Variants in METTL1 observed in about 807,000 individuals in gnomAD.
METTL1 encodes methyltransferase 1, tRNA methylguanosine, also known as tRNA (guanine-N(7)-)-methyltransferase.
In METTL1, 14 loss-of-function variants were observed where a neutral mutation model predicts 27.7. The ratio of observed to expected loss-of-function variants is 0.51; its 90% confidence interval spans 0.33 to 0.79. The LOEUF (loss-of-function observed/expected upper bound fraction) is 0.79, where lower values mean the gene tolerates loss of function less well. METTL1 is among the 30% of genes least tolerant of loss of function. The probability of loss-of-function intolerance (pLI) is 0.02; values close to 1 mark genes in which losing one functional copy is unlikely to be tolerated. For synonymous variants in METTL1, 138 were observed against 137.0 expected, an observed-to-expected ratio of 1.01 and a Z score of -0.05; for missense variants, 333 against 359.6, an observed-to-expected ratio of 0.93 and a Z score of 0.60.
At chr12:57,771,622 T>G (rs1026858063) in intron 1 of METTL1, 1 of 1,535,282 alleles carries the variant, frequency 6.5e-7, no homozygotes, top group Non-Finnish European at 8.7e-7. Context: ...GGAGGGAAGG[T>G]AAGGTAAGGT....
At chr12:57,771,297 C>T (rs1331832222) in intron 1 of METTL1, 40 bp from the exon 2 acceptor site, 1 of 1,415,372 alleles carries the variant, frequency 7.1e-7, no homozygotes, top group African/African-American at 1.4e-5. Flanking sequence ...GAAGGTTGGT[C>T]ACACCATTGC....
At position 57,772,095 on chromosome 12, in the gene METTL1, G is replaced by C. The variant is rs776384099; in HGVS notation, c.-12C>G. ...GTCTCGGCTGCCATGATCCCAGTCC[G>C]GGGTTTCTCTACCAAATCCACGTGG... On this transcript the variant is annotated 5_prime_UTR_variant, in exon 1 of 6. Coordinates refer to ENST00000324871, the MANE Select transcript of METTL1 (RefSeq NM_005371.6). This position sits in a 1 kb window ranked among gnomAD's most constrained non-coding sequence, Gnocchi z 4.1. 6.4e-7 allele frequency: 1 copy of C among 1,571,720 alleles called. No homozygotes were observed. Among genetic ancestry groups the C allele is most frequent in the Admixed American group, 2.0e-5 (1 of 49,060 alleles).
chr12:57,771,643 T>C (rs1451835916), intron 1 of METTL1: 4 of 1,534,376 alleles, frequency 2.6e-6, no homozygotes, highest in Admixed American at 2.0e-5. Flanking sequence ...GCGGGCAGGA[T>C]TGTGTATATG....
Position 57,769,823 on chromosome 12 carries a change from A to G in METTL1, c.408T>C (p.Cys136=). 6.2e-7 allele frequency: 1 copy of G among 1,614,186 alleles called. No individual in the cohort carries two copies. Among genetic ancestry groups the G allele is most frequent in the Non-Finnish European group, 8.5e-7 (1 of 1,180,040 alleles). The part of the protein sequence containing the change: ...APAGGFQNIA[C]LRSNAMKHLP... ...GGTGCTTCATGGCATTGCTACGGAG[A>G]CAGGCGATGTTCTGGAAGCCACCTG... is the stretch of plus-strand genomic sequence containing the variant. Residue 136 remains cysteine, a synonymous_variant, in exon 3 of 6, where the codon TGT becomes TGC. Coordinates refer to ENST00000324871, the MANE Select transcript of METTL1 (RefSeq NM_005371.6).
At position 57,769,944 on chromosome 12, in the gene METTL1, G is replaced by T; in HGVS notation, c.287C>A (p.Pro96Gln). Reference sequence around the variant, plus strand: ...CAGAATAAGTGTGTCTGGGAACAGCGGTGACAGTTCCACTGCACACAGAAA... The same window carrying T: ...CAGAATAAGTGTGTCTGGGAACAGCTGTGACAGTTCCACTGCACACAGAAA... Reference protein sequence around the residue: ...GYGGLLVELSPLFPDTLILGL... With the variant: ...GYGGLLVELSQLFPDTLILGL... Residue 96 changes from proline to glutamine, a missense_variant, in exon 3 of 6, where the codon CCG becomes CAG. Physicochemically the swap from Pro to Gln is moderately conservative, Grantham distance 76 (BLOSUM62 -1). Transcript: ENST00000324871. 1 of 1,607,634 alleles carries T rather than the reference G, an allele frequency of 6.2e-7. No individual in the cohort carries two copies. The highest frequency in any genetic ancestry group is 2.2e-5 in the East Asian group (1 of 44,690).
chr12:57,769,973 C>T lies in METTL1; in HGVS notation c.275-17G>A, dbSNP rs573192508. On this transcript the variant is annotated splice_polypyrimidine_tract_variant and intron_variant, in intron 2 of 5. Coordinates refer to ENST00000324871, the MANE Select transcript of METTL1 (RefSeq NM_005371.6). ...ACAGTTCCACTGCACACAGAAATAG[C>T]AATGGAATCATCAACCATATACTTG... is the stretch of plus-strand genomic sequence containing the variant. 1.1e-5 allele frequency: 17 copies of T among 1,584,884 alleles called. No individual in the cohort carries two copies. The East Asian group carries it at 3.7e-4, about 34-fold the overall frequency.
At chr12:57,771,055 A>G (rs758033786) in intron 2 of METTL1, 39 bp downstream of exon 2, 1 of 1,598,378 alleles carries the variant, frequency 6.3e-7, no homozygotes, top group Non-Finnish European at 8.5e-7. Flanking sequence ...AGAAGCTACT[A>G]GGCCTCTTCT....
chr12:57,768,840 T>A lies in METTL1; in HGVS notation c.*156A>T. ...ACAAGGTGAGAGGAGCCAGGGGTAGTCATGAACACCAGTGGGTTCTGCCCT... is the reference window on the plus strand; with the variant it reads ...ACAAGGTGAGAGGAGCCAGGGGTAGACATGAACACCAGTGGGTTCTGCCCT... On this transcript the variant is annotated 3_prime_UTR_variant, in exon 6 of 6. Coordinates refer to ENST00000324871, the MANE Select transcript of METTL1 (RefSeq NM_005371.6). The A allele has an allele frequency of 1.2e-6, 1 of 802,292 alleles. No individual in the cohort carries two copies. Among genetic ancestry groups the A allele is most frequent in the Non-Finnish European group, 1.9e-6 (1 of 534,850 alleles). The allele number at this position is 802,292 out of a possible 1,614,324, so 49.7% of individuals were successfully genotyped here. A position where few individuals can be genotyped will look rare whatever the true frequency, so the allele number is the denominator to read the frequency against.
rs550138676 is a variant in METTL1 at position 57,771,594 on chromosome 12, T to C, written c.111-337A>G. 2.8e-5 allele frequency: 43 copies of C among 1,535,256 alleles called. No homozygotes were observed. The South Asian group carries it at 4.3e-4, about 15-fold the overall frequency. ...TGCCTAATGCACTGGGATCCTACTT[T>C]GTGTTTGTGCTCTGCGGGGAGGGAA... On this transcript the variant is annotated intron_variant, in intron 1 of 5. Transcript: ENST00000324871.
Position 57,769,284 on chromosome 12 carries a change from C to T in METTL1, c.675+19G>A. On this transcript the variant is annotated intron_variant, in intron 5 of 5. Coordinates refer to ENST00000324871, the MANE Select transcript of METTL1 (RefSeq NM_005371.6). The stretch of plus-strand genomic sequence containing the variant: ...CCACTCTGGAAAGGGCCTCCACCTC[C>T]TCTAGGTCCCCTACTCACCAGGTCC... 1 of 1,613,658 alleles carries T rather than the reference C, an allele frequency of 6.2e-7. No homozygotes were observed. Among genetic ancestry groups the T allele is most frequent in the Non-Finnish European group, 8.5e-7 (1 of 1,179,734 alleles).
chr12:57,769,468 GT>G (rs766710335), intron 4 of METTL1, 64 bp from the exon 5 acceptor site: 1 of 1,600,514 alleles, frequency 6.2e-7, no homozygotes, highest in South Asian at 1.1e-5. Context: ...GATGAAGGAA[GT>G]GGTGGTGTGA....
At chr12:57,771,615 G>C in intron 1 of METTL1, 4 of 1,535,412 alleles carry the variant, frequency 2.6e-6, no homozygotes, top group Non-Finnish European at 3.5e-6. Flanking sequence ...TCTGCGGGGA[G>C]GGAAGGTAAG....
chr12:57,770,945 G>C, intron 2 of METTL1, 149 bp downstream of exon 2: 2 of 810,536 alleles, frequency 2.5e-6, no homozygotes, highest in East Asian at 2.7e-5. Flanking sequence ...CACAGACCCA[G>C]AGTAGAGGGT....
intron 2 of METTL1, 96 bp from the exon 3 acceptor site, chr12:57,770,052 A>G: frequency 2.4e-6 from 3 of 1,275,332 alleles, no homozygotes; most frequent in Non-Finnish European, 2.2e-6. Flanking sequence ...TGCAACTACC[A>G]AAGTCCAGAA....
intron 3 of METTL1, 29 bp downstream of exon 3, chr12:57,769,743 C>G (rs750961333): frequency 1.9e-5 from 31 of 1,611,504 alleles, no homozygotes; most frequent in Non-Finnish European, 2.6e-5. Context: ...ACCTGCCTAC[C>G]AGCCTAACCC....
intron 1 of METTL1, 196 bp from the exon 2 acceptor site, chr12:57,771,453 A>T: frequency 6.8e-7 from 1 of 1,478,564 alleles, no homozygotes; most frequent in Non-Finnish European, 8.9e-7. Context: ...GAATCATAGG[A>T]CCATCATGAG....
chr12:57,768,506 C>T lies in METTL1; in HGVS notation c.*490G>A, dbSNP rs184189228. 36 of 155,222 alleles carry T rather than the reference C, an allele frequency of 2.3e-4. No individual in the cohort carries two copies. The highest frequency in any genetic ancestry group is 3.2e-4 in the Admixed American group (5 of 15,778). 9.6% of individuals were successfully genotyped at this position (155,222 alleles called of 1,614,324 possible). Reference sequence around the variant, plus strand: ...CAGATTCCCCAGGTCAAGTCTTACGCAGGGAGAGGACAGGAGGATGGTAGA... The same window carrying T: ...CAGATTCCCCAGGTCAAGTCTTACGTAGGGAGAGGACAGGAGGATGGTAGA... On this transcript the variant is annotated 3_prime_UTR_variant, in exon 6 of 6. Coordinates refer to ENST00000324871, the MANE Select transcript of METTL1 (RefSeq NM_005371.6).
chr12:57,769,414 C>CA lies in METTL1; in HGVS notation c.574-11dup. ...TGGTATACACCAGCCCCTGCATAGG[C>CA]AAAATCACCCTAGACAGGAGGCTGC... is the stretch of plus-strand genomic sequence containing the variant. On this transcript the variant is annotated splice_polypyrimidine_tract_variant and intron_variant, in intron 4 of 5. Transcript: ENST00000324871. The CA allele has an allele frequency of 1.2e-6, 2 of 1,613,892 alleles. No homozygotes were observed. The highest frequency in any genetic ancestry group is 1.7e-6 in the Non-Finnish European group (2 of 1,179,852).
chr12:57,769,995 C>T, intron 2 of METTL1, 39 bp from the exon 3 acceptor site: 1 of 1,555,474 alleles, frequency 6.4e-7, no homozygotes, highest in South Asian at 1.2e-5. Context: ...CAACCATATA[C>T]TTGTAGGAAG....
Sources: allele counts gnomAD v4.1 joint callset, GRCh38; gene constraint gnomAD v4.1.1; non-coding constraint Gnocchi (gnomAD v3.1); transcripts MANE v1.5; gene names NCBI Gene and HGNC (gene_info 2026-07-23, HGNC 2026-07-21).